The following SLC6A11 variants were observed in gnomAD, a reference collection of about 807,000 sequenced individuals.
SLC6A11 encodes sodium- and chloride-dependent GABA transporter 3.
SLC6A11 carries 25 observed loss-of-function variants against 74.8 expected under a neutral mutation model. That is an observed-to-expected ratio of 0.33 (90% CI 0.24 to 0.47). The LOEUF (loss-of-function observed/expected upper bound fraction) is 0.47, where lower values mean the gene tolerates loss of function less well. Among genes scored for constraint, SLC6A11 ranks in the 20% least tolerant of loss-of-function variants. SLC6A11 has a pLI of 1.00. For synonymous variants in SLC6A11, 330 were observed against 330.2 expected, an observed-to-expected ratio of 1.00 and a Z score of 0.01; for missense variants, 574 against 837.0, an observed-to-expected ratio of 0.69 and a Z score of 3.88.
rs758930053 is a variant in SLC6A11, at chr3:10,938,309, G to A, written c.1806G>A (p.Val602=). 7 of 1,612,980 alleles carry A rather than the reference G, an allele frequency of 4.3e-6. No homozygotes were observed. In the African/African-American group the frequency reaches 9.3e-5, roughly 22 times the overall value. ...TGAAAATGCGGGGCAAGCTTGGGGT[G>A]AGCCCACGGATGGTGACAGTTAATG... ...TDLKMRGKLG[V]SPRMVTVNDC... Residue 602 remains valine (V), a synonymous_variant, in exon 14 of 14, where the codon GTG becomes GTA. Transcript: ENST00000254488.
intron 4 of SLC6A11, among the ~76,000 whole-genome samples, chr3:10,831,884 A>G (rs1694303454): frequency 6.6e-6 from 1 of 152,282 alleles, no homozygotes; most frequent in Admixed American, 6.5e-5. Flanking sequence ...CTAGCCCTGA[A>G]AAGTGAAATG....
At chr3:10,905,751 C>G (rs1008289788) in intron 6 of SLC6A11, among the ~76,000 whole-genome samples, 2 of 152,156 alleles carry the variant, frequency 1.3e-5, no homozygotes, top group African/African-American at 4.8e-5. Context: ...GTTGCAGACT[C>G]CATGTAAAGA....
intron 8 of SLC6A11, among the ~76,000 whole-genome samples, chr3:10,919,117 C>T (rs909882657): frequency 5.3e-5 from 8 of 152,108 alleles, no homozygotes; most frequent in African/African-American, 1.9e-4. Flanking sequence ...CTGTTCTAGA[C>T]ATAGAATCAC....
chr3:10,850,840 G>A (rs990560038), intron 5 of SLC6A11, among the ~76,000 whole-genome samples: 39 of 152,290 alleles, frequency 2.6e-4, no homozygotes, highest in Non-Finnish European at 1.5e-4. Context: ...TGGACTGGTG[G>A]GGAGTGGTGG....
intron 4 of SLC6A11, among the ~76,000 whole-genome samples, chr3:10,826,849 C>CCAAGGGCAGG: frequency 6.6e-6 from 1 of 152,320 alleles, no homozygotes; most frequent in Non-Finnish European, 1.5e-5. Context: ...CATTTGAACA[C>CCAAGGGCAGG]CAAGGGCAGG....
rs1242276669 is a variant in SLC6A11 at position 10,918,532 on chromosome 3, C to G, written c.1120+79C>G. 6.0e-6 allele frequency: 9 copies of G among 1,489,966 alleles called. No homozygotes were observed. The highest frequency in any genetic ancestry group is 8.1e-6 in the Non-Finnish European group (9 of 1,106,082). The allele number at this position is 1,489,966 out of a possible 1,614,324, so 92.3% of individuals were successfully genotyped here. A position where few individuals can be genotyped will look rare whatever the true frequency, so the allele number is the denominator to read the frequency against. On this transcript the variant is annotated intron_variant, in intron 8 of 13. Coordinates refer to ENST00000254488, the MANE Select transcript of SLC6A11 (RefSeq NM_014229.3). This position sits in a 1 kb window ranked among gnomAD's most constrained non-coding sequence, Gnocchi z 4.5. The stretch of plus-strand genomic sequence containing the variant: ...TGGTCATCATGGAAATGCGATCTTC[C>G]TCCTCGGCTCACACATCTCCTGGAT...
Position 10,918,577 on chromosome 3 carries a change from C to A in SLC6A11, c.1120+124C>A. The A allele has an allele frequency of 9.2e-7, 1 of 1,087,446 alleles. No individual in the cohort carries two copies. 67.4% of individuals were successfully genotyped at this position (1,087,446 alleles called of 1,614,324 possible). ...CTGGATTCAGGCCTCAGAAAGGGGC[C>A]CCACCATTCATCCACAATCCAGGAT... On this transcript the variant is annotated intron_variant, in intron 8 of 13. Coordinates refer to ENST00000254488, the MANE Select transcript of SLC6A11 (RefSeq NM_014229.3). The surrounding 1 kb of genome is among the most constrained non-coding windows in gnomAD (Gnocchi z 4.5).
intron 4 of SLC6A11, chr3:10,824,011 C>T (rs1426003854): frequency 6.6e-6 from 1 of 152,632 alleles, no homozygotes; most frequent in Non-Finnish European, 1.5e-5. Flanking sequence ...ATAAGTAGTA[C>T]TTGTGTGGTT....
At chr3:10,881,620 G>A (rs369237485) in intron 6 of SLC6A11, among the ~76,000 whole-genome samples, 15 of 152,306 alleles carry the variant, frequency 9.8e-5, no homozygotes, top group East Asian at 3.9e-4. Flanking sequence ...AGTAATAACC[G>A]TGGGGATGGC....
intron 6 of SLC6A11, among the ~76,000 whole-genome samples, chr3:10,895,955 G>A (rs73037924): frequency 7.1e-4 from 108 of 152,312 alleles, no homozygotes; most frequent in Non-Finnish European, 1.1e-3. Context: ...GTGGCTTCTC[G>A]AAGGCCCATG....
rs1388265855 is a variant in SLC6A11 at position 10,915,735 on chromosome 3, G to A, written c.996-2594G>A. On this transcript the variant is annotated intron_variant, in intron 7 of 13. Coordinates refer to ENST00000254488, the MANE Select transcript of SLC6A11 (RefSeq NM_014229.3). The surrounding 1 kb of genome is among the most constrained non-coding windows in gnomAD (Gnocchi z 4.3). The stretch of plus-strand genomic sequence containing the variant: ...TGCATGGGGCTGGAAGGGACCTCAG[G>A]TCCCTAAAGAGCTTCTCTGTCTCTC... Among the ~76,000 whole-genome samples, 1 of 152,088 alleles carries A rather than the reference G, an allele frequency of 6.6e-6. No individual in the cohort carries two copies. Among genetic ancestry groups the A allele is most frequent in the Non-Finnish European group, 1.5e-5 (1 of 68,014 alleles).
rs1466414097 is a variant in SLC6A11 at position 10,851,454 on chromosome 3, A to G, written c.756+7108A>G. Among the ~76,000 whole-genome samples, 4 of 151,410 alleles carry G rather than the reference A, an allele frequency of 2.6e-5. 1 individual carries two copies. The highest frequency in any genetic ancestry group is 1.3e-4 in the Admixed American group (2 of 15,242). On this transcript the variant is annotated intron_variant, in intron 5 of 13. Transcript: ENST00000254488. ...CAGACAGACACACTCACACAGAAAC[A>G]GCTGCAAAGAGCCTTGAATTGATTT...
intron 10 of SLC6A11, among the ~76,000 whole-genome samples, chr3:10,930,320 C>T (rs1465493655): frequency 6.6e-6 from 1 of 152,108 alleles, no homozygotes; most frequent in Non-Finnish European, 1.5e-5. Context: ...TCCACCTGTT[C>T]ACCTGTCTCC....
At position 10,918,927 on chromosome 3, in the gene SLC6A11, C is replaced by A. The variant is rs1006912286; in HGVS notation, c.1120+474C>A. Among the ~76,000 whole-genome samples, 2 of 152,062 alleles carry A rather than the reference C, an allele frequency of 1.3e-5. No individual in the cohort carries two copies. Among genetic ancestry groups the A allele is most frequent in the African/African-American group, 4.8e-5 (2 of 41,408 alleles). ...TGCTGGACTCAGCGTGGCCACAAAG[C>A]CCTGTGTTGCCCGGCTCCTGTGGCC... On this transcript the variant is annotated intron_variant, in intron 8 of 13. Coordinates refer to ENST00000254488, the MANE Select transcript of SLC6A11 (RefSeq NM_014229.3). This position sits in a 1 kb window ranked among gnomAD's most constrained non-coding sequence, Gnocchi z 4.5.
At chr3:10,870,352 C>T (rs1694814705) in intron 5 of SLC6A11, among the ~76,000 whole-genome samples, 1 of 152,192 alleles carries the variant, frequency 6.6e-6, no homozygotes, top group Admixed American at 6.5e-5. Context: ...ATAAATGAAA[C>T]ATGGACTAGA....
intron 4 of SLC6A11, among the ~76,000 whole-genome samples, chr3:10,835,787 T>G (rs1443689586): frequency 1.3e-5 from 2 of 152,192 alleles, no homozygotes; most frequent in Non-Finnish European, 2.9e-5. Context: ...TTCCCAAGTG[T>G]GTGTTCTGCA....
chr3:10,870,451 A>G (rs530439118), intron 5 of SLC6A11, among the ~76,000 whole-genome samples: 16 of 152,318 alleles, frequency 1.1e-4, no homozygotes, highest in African/African-American at 3.8e-4. Flanking sequence ...GCTGCATCCA[A>G]GCTTAGCTGC....
At position 10,816,327 on chromosome 3, in the gene SLC6A11, C is replaced by G; in HGVS notation, c.62C>G (p.Ser21Cys). 7.1e-7 allele frequency: 1 copy of G among 1,413,454 alleles called. No individual in the cohort carries two copies. Among genetic ancestry groups the G allele is most frequent in the Non-Finnish European group, 9.2e-7 (1 of 1,087,044 alleles). The allele number at this position is 1,413,454 out of a possible 1,614,324, so 87.6% of individuals were successfully genotyped here. The change falls in exon 1 of 14, where the codon TCC (serine) becomes TGC (cysteine). Residue 21 changes from serine to cysteine, a missense_variant. Transcript: ENST00000254488. The surrounding 1 kb of genome is among the most constrained non-coding windows in gnomAD (Gnocchi z 4.2). ...AAGGCTGCTGAGGAGGCGCGGGAGTCCGAGGCGCCGGGTGGCGGCTGCAGC... is the reference window on the plus strand; with the variant it reads ...AAGGCTGCTGAGGAGGCGCGGGAGTGCGAGGCGCCGGGTGGCGGCTGCAGC... ...NGKAAEEARE[S>C]EAPGGGCSSG...
chr3:10,830,070 A>AG (rs1190805874), intron 4 of SLC6A11, among the ~76,000 whole-genome samples: 2 of 152,140 alleles, frequency 1.3e-5, no homozygotes. Context: ...GAAAAAAAAA[A>AG]CAAAAAGAGT....
Sources: gnomAD v4.1 joint callset for allele counts (sites outside exome capture counted in the v4.1 genomes callset) on GRCh38, gnomAD v4.1.1 for gene constraint, Gnocchi (gnomAD v3.1) non-coding constraint, MANE v1.5 for transcripts, NCBI Gene and HGNC (gene_info 2026-07-23, HGNC 2026-07-21) for gene names.